TMEM160: variants seen among roughly 807,000 people sequenced by gnomAD.
TMEM160 encodes the protein transmembrane protein 160.
TMEM160 carries 10 observed loss-of-function variants against 13.9 expected under a neutral mutation model. The ratio of observed to expected loss-of-function variants is 0.72; its 90% CI spans 0.45 to 1.22. TMEM160 has a LOEUF of 1.22. Ranked by LOEUF, TMEM160 falls within the 50% of genes most tolerant of loss-of-function variation. The pLI is 0.00. For synonymous variants in TMEM160, 159 were observed against 134.8 expected (o/e 1.18, Z -1.25); for missense variants, 287 against 283.2 (o/e 1.01, Z -0.10).
chr19:47,045,946 G>A lies in TMEM160; in HGVS notation c.*41C>T, dbSNP rs758418372. 4 of 1,498,120 alleles carry A rather than the reference G, an allele frequency of 2.7e-6. No individual in the cohort carries two copies. The highest frequency in any genetic ancestry group is 1.4e-5 in the African/African-American group (1 of 69,486). 92.8% of individuals were successfully genotyped at this position (1,498,120 alleles called of 1,614,324 possible). ...GGTCAGGTTTAATGTCCCAGTCCTC[G>A]GGCGCTGTCCAGCGCCTGCCAGGCC... On this transcript the variant is annotated 3_prime_UTR_variant, in exon 3 of 3. Coordinates refer to ENST00000253047, the MANE Select transcript of TMEM160 (RefSeq NM_017854.2).
chr19:47,048,169 AC>A (rs908825812), intron 1 of TMEM160, among the ~76,000 whole-genome samples: 22 of 151,562 alleles, frequency 1.5e-4, no homozygotes, highest in Middle Eastern at 6.8e-3. Flanking sequence ...GCGCAACCCT[AC>A]CACCCCCTCC....
intron 2 of TMEM160, 38 bp from the exon 3 acceptor site, chr19:47,046,290 G>T (rs1193330552): frequency 6.6e-7 from 1 of 1,512,352 alleles, no homozygotes; most frequent in East Asian, 2.5e-5. Context: ...GCCAAGGTCG[G>T]GGGATGGTCT....
rs752969300 is a variant in TMEM160 at position 47,046,577 on chromosome 19, G to A, written c.301+16C>T. 6.2e-7 allele frequency: 1 copy of A among 1,601,998 alleles called. No individual in the cohort carries two copies. Among genetic ancestry groups the A allele is most frequent in the East Asian group, 2.2e-5 (1 of 44,824 alleles). Reference sequence around the variant, plus strand: ...TTCCCTGGTTCCGTGGGGCGAGAGGGGGGGTCTGCACTCACCATATGCTGC... The same window carrying A: ...TTCCCTGGTTCCGTGGGGCGAGAGGAGGGGTCTGCACTCACCATATGCTGC... On this transcript the variant is annotated intron_variant, in intron 2 of 2. Coordinates refer to ENST00000253047, the MANE Select transcript of TMEM160 (RefSeq NM_017854.2).
At chr19:47,046,768 C>G (rs981514642) in intron 1 of TMEM160, 83 bp from the exon 2 acceptor site, 19 of 1,045,344 alleles carry the variant, frequency 1.8e-5, no homozygotes, top group Middle Eastern at 2.3e-4. Context: ...AACTGAGGGG[C>G]CTCCCTTCAG....
chr19:47,046,471 T>TG, intron 2 of TMEM160, 122 bp downstream of exon 2: 1 of 950,522 alleles, frequency 1.1e-6, no homozygotes, highest in Non-Finnish European at 1.6e-6. Context: ...GGGGGAAGAA[T>TG]GGGGGTTCTA....
intron 2 of TMEM160, 62 bp downstream of exon 2, chr19:47,046,531 G>A: frequency 2.2e-6 from 3 of 1,359,094 alleles, no homozygotes; most frequent in Non-Finnish European, 3.1e-6. Flanking sequence ...TCTCACCAGG[G>A]CAGGTGATAG....
rs11083857 is a variant in TMEM160 at position 47,046,196 on chromosome 19, C to T, written c.358G>A (p.Gly120Ser). ...ATGGGTCCTCGCAGCGCCGCCAGGC[C>T]CACGGCGTACGAGGCGCTGCCCCAC... is the stretch of plus-strand genomic sequence containing the variant. ...VVWGSASYAV[G>S]LAALRGPMQL... Residue 120 changes from glycine (G) to serine (S), a missense_variant, in exon 3 of 3, where the codon GGC (glycine) becomes AGC (serine). By Grantham distance (56) the Gly-to-Ser change is moderately conservative (BLOSUM62 0). Transcript: ENST00000253047. 309,961 of 1,525,316 alleles carry T rather than the reference C, an allele frequency of 0.2. 35,417 individuals carry two copies. Among genetic ancestry groups the T allele is most frequent in the Non-Finnish European group, 0.24 (269,674 of 1,142,942 alleles). 94.5% of individuals were successfully genotyped at this position (1,525,316 alleles called of 1,614,324 possible). A position where few individuals can be genotyped will look rare whatever the true frequency, so the allele number is the denominator to read the frequency against.
At chr19:47,047,188 C>T (rs918343058) in intron 1 of TMEM160, among the ~76,000 whole-genome samples, 3 of 152,118 alleles carry the variant, frequency 2.0e-5, no homozygotes, top group Non-Finnish European at 2.9e-5. Context: ...CCAGCCTGGG[C>T]GACAGAGTGA....
At position 47,048,465 on chromosome 19, in the gene TMEM160, G is replaced by A. The variant is rs2057092765; in HGVS notation, c.150C>T (p.Pro50=). Residue 50 remains proline, a synonymous_variant, in exon 1 of 3, where the codon CCC becomes CCT. Transcript: ENST00000253047. ...GHGPRAGASP[P]PVSELDRADA... is the part of the protein sequence containing the mutation. ...CCGCACGATCCAGCTCGGACACTGG[G>A]GGCGGCGAAGCCCCGGCGCGGGGAC... The A allele has an allele frequency of 2.1e-6, 3 of 1,409,212 alleles. No individual in the cohort carries two copies. In the East Asian group the frequency reaches 8.7e-5, roughly 41 times the overall value. The allele number at this position is 1,409,212 out of a possible 1,614,324, so 87.3% of individuals were successfully genotyped here.
chr19:47,047,375 G>C, intron 1 of TMEM160: 1 of 984,014 alleles, frequency 1.0e-6, no homozygotes, highest in South Asian at 4.7e-5. Flanking sequence ...GGGACAAACT[G>C]TTTCCTAATC....
At position 47,046,060 on chromosome 19, in the gene TMEM160, T is replaced by G; in HGVS notation, c.494A>C (p.Glu165Ala). The G allele has an allele frequency of 6.5e-7, 1 of 1,548,048 alleles. No individual in the cohort carries two copies. Among genetic ancestry groups the G allele is most frequent in the Non-Finnish European group, 8.7e-7 (1 of 1,153,762 alleles). ...LYMGQLELDV[E>A]LVPEDDGTAS... is the part of the protein sequence containing the mutation. Reference sequence around the variant, plus strand: ...CGTCCCGTCGTCCTCGGGCACCAGCTCCACGTCCAGCTCCAGCTGCCCCAT... The same window carrying G: ...CGTCCCGTCGTCCTCGGGCACCAGCGCCACGTCCAGCTCCAGCTGCCCCAT... Residue 165 changes from glutamate (E) to alanine (A), a missense_variant, in exon 3 of 3, where the codon GAG (glutamate) becomes GCG (alanine). Transcript: ENST00000253047.
chr19:47,047,162 A>T (rs2057084921), intron 1 of TMEM160, among the ~76,000 whole-genome samples: 1 of 152,224 alleles, frequency 6.6e-6, no homozygotes, highest in Non-Finnish European at 1.5e-5. Flanking sequence ...GCGAGCCAAG[A>T]TCATGCCACT....
rs766959864 is a variant in TMEM160 at position 47,046,667 on chromosome 19, C to G, written c.227G>C (p.Arg76Pro). The G allele has an allele frequency of 2.5e-6, 4 of 1,612,106 alleles. No individual in the cohort carries two copies. The highest frequency in any genetic ancestry group is 2.5e-6 in the Non-Finnish European group (3 of 1,179,650). ...AHETAFLSWF[R>P]NGLLASGIGV... The stretch of plus-strand genomic sequence containing the variant: ...GATGCCCGATGCCAGGAGGCCATTG[C>G]GGAACCAGGAGAGGAAGGCTGGAGG... The change falls in exon 2 of 3, where the codon CGC becomes CCC. Residue 76 changes from arginine to proline, a missense_variant. Coordinates refer to ENST00000253047, the MANE Select transcript of TMEM160 (RefSeq NM_017854.2).
chr19:47,046,029 G>A lies in TMEM160; in HGVS notation c.525C>T (p.Ser175=), dbSNP rs2122576186. ...ELVPEDDGTA[S]AEGPDEAGRP... ...GACCCGCCTCATCAGGGCCTTCCGC[G>A]GAGGCCGTCCCGTCGTCCTCGGGCA... Residue 175 remains serine (S), a synonymous_variant, in exon 3 of 3, where the codon TCC becomes TCT. Transcript: ENST00000253047. The A allele has an allele frequency of 6.5e-7, 1 of 1,549,712 alleles. No individual in the cohort carries two copies. Among genetic ancestry groups the A allele is most frequent in the Non-Finnish European group, 8.7e-7 (1 of 1,155,082 alleles).
At chr19:47,048,347 G>C in intron 1 of TMEM160, 60 bp downstream of exon 1, 4 of 1,363,750 alleles carry the variant, frequency 2.9e-6, no homozygotes, top group Non-Finnish European at 3.9e-6. Flanking sequence ...CCCCATCAAG[G>C]TCCCACGCGA....
chr19:47,046,580 G>T lies in TMEM160; in HGVS notation c.301+13C>A. The stretch of plus-strand genomic sequence containing the variant: ...CCTGGTTCCGTGGGGCGAGAGGGGG[G>T]GTCTGCACTCACCATATGCTGCTTC... On this transcript the variant is annotated intron_variant, in intron 2 of 2. Transcript: ENST00000253047. 1 of 1,604,838 alleles carries T rather than the reference G, an allele frequency of 6.2e-7. No individual in the cohort carries two copies.
intron 1 of TMEM160, chr19:47,047,842 T>C: frequency 1.0e-6 from 1 of 961,452 alleles, no homozygotes; most frequent in South Asian, 4.8e-5. Context: ...CAAGACACCG[T>C]CATTAAAAAA....
chr19:47,048,213 C>T (rs542098806), intron 1 of TMEM160, among the ~76,000 whole-genome samples, 194 bp downstream of exon 1: 1 of 152,204 alleles, frequency 6.6e-6, no homozygotes, highest in Non-Finnish European at 1.5e-5. Context: ...CCGGGGTCCT[C>T]GTCCTCCCCG....
In TMEM160 at chr19:47,046,686, C is replaced by T. The variant is rs1425354702; in HGVS notation, c.209-1G>A. The T allele has an allele frequency of 6.2e-7, 1 of 1,611,046 alleles. No homozygotes were observed. On this transcript the variant is annotated splice_acceptor_variant, in intron 1 of 2. Transcript: ENST00000253047. LOFTEE classifies it high-confidence loss of function. ...CCATTGCGGAACCAGGAGAGGAAGG[C>T]TGGAGGGAGGGGGACATGGGGGGAT...
Sources: allele counts gnomAD v4.1 joint callset (sites outside exome capture counted in the v4.1 genomes callset), GRCh38; gene constraint gnomAD v4.1.1; transcripts MANE v1.5; gene names NCBI Gene and HGNC (gene_info 2026-07-23, HGNC 2026-07-21).